The following SLC6A3 variants were observed in gnomAD, a reference collection of about 807,000 sequenced individuals.
The protein encoded by SLC6A3 is sodium-dependent dopamine transporter.
A neutral mutation model predicts 70.4 loss-of-function variants in SLC6A3; 19 were observed. The ratio of observed to expected loss-of-function variants is 0.27; its 90% CI spans 0.19 to 0.40. The LOEUF (loss-of-function observed/expected upper bound fraction) is 0.40. SLC6A3 is among the 10% of genes least tolerant of loss of function. The probability of loss-of-function intolerance (pLI) is 1.00; values close to 1 mark genes in which losing one functional copy is unlikely to be tolerated. For synonymous variants in SLC6A3, 368 were observed against 356.6 expected, an observed-to-expected ratio of 1.03 and a Z score of -0.36; for missense variants, 613 against 838.5, an observed-to-expected ratio of 0.73 and a Z score of 3.32.
intron 7 of SLC6A3, among the ~76,000 whole-genome samples, chr5:1,415,832 T>C (rs1011502612): frequency 6.6e-6 from 1 of 152,118 alleles, no homozygotes; most frequent in Non-Finnish European, 1.5e-5. Context: ...GGGCCCTCAG[T>C]GGGGAATCTG....
chr5:1,412,476 C>T lies in SLC6A3; in HGVS notation c.1157-1121G>A, dbSNP rs1237990888. Among the ~76,000 whole-genome samples, 7 of 152,324 alleles carry T rather than the reference C, an allele frequency of 4.6e-5. No individual in the cohort carries two copies. The East Asian group carries it at 1.3e-3, about 29-fold the overall frequency. ...CATGGCAAAGGCGGAGGAGGTGTTC[C>T]CCCACAGCTCTCTCGGGAAACGACA... On this transcript the variant is annotated intron_variant, in intron 8 of 14. Coordinates refer to ENST00000270349, the MANE Select transcript of SLC6A3 (RefSeq NM_001044.5).
Position 1,406,225 on chromosome 5 carries a change from C to T in SLC6A3, c.1562G>A (p.Arg521Gln), listed in dbSNP as rs760024050. The change falls in exon 12 of 15, where the codon CGG becomes CAG. Residue 521 changes from arginine (R) to glutamine (Q), a missense_variant. Transcript: ENST00000270349. This position sits in a 1 kb window ranked among gnomAD's most constrained non-coding sequence, Gnocchi z 8.8. ...GGGGCTGACCAGCTTCCAGCACAGCCGCCAGTACAGGCTGGGCCGCTGCCC... is the reference window on the plus strand; with the variant it reads ...GGGGCTGACCAGCTTCCAGCACAGCTGCCAGTACAGGCTGGGCCGCTGCCC... ...MTGQRPSLYWRLCWKLVSPCF... is the reference protein window; with the variant it reads ...MTGQRPSLYWQLCWKLVSPCF... 8.7e-6 allele frequency: 14 copies of T among 1,612,990 alleles called. No individual in the cohort carries two copies. Among genetic ancestry groups the T allele is most frequent in the South Asian group, 2.2e-5 (2 of 91,082 alleles).
At position 1,436,709 on chromosome 5, in the gene SLC6A3, G is replaced by T. The variant is rs1357741932; in HGVS notation, c.419-4011C>A. ...TCCAGGGCGTCTGTAAAATGGGGTT[G>T]CCCTTGGCAATGAAACCGAAACCTG... On this transcript the variant is annotated intron_variant, in intron 3 of 14. Transcript: ENST00000270349. The surrounding 1 kb of genome is among the most constrained non-coding windows in gnomAD (Gnocchi z 5.2). Among the ~76,000 whole-genome samples, 1 of 152,180 alleles carries T rather than the reference G, an allele frequency of 6.6e-6. No individual in the cohort carries two copies. Among genetic ancestry groups the T allele is most frequent in the African/African-American group, 2.4e-5 (1 of 41,436 alleles).
rs757203667 is a variant in SLC6A3 at position 1,432,667 on chromosome 5, C to G, written c.450G>C (p.Leu150=). 1.2e-6 allele frequency: 2 copies of G among 1,614,180 alleles called. No individual in the cohort carries two copies. Among genetic ancestry groups the G allele is most frequent in the African/African-American group, 1.3e-5 (1 of 75,044 alleles). The change falls in exon 4 of 15, where the codon CTG becomes CTC. Residue 150 remains leucine, a synonymous_variant. Transcript: ENST00000270349. ...TGACGTTGTAGAAGAAGCCGACATA[C>G]AGTGAGATGAGGATGACCGTGAAGC... The part of the protein sequence containing the change: ...GVGFTVILIS[L]YVGFFYNVII...
chr5:1,423,230 ACG>A (rs1491583165), intron 4 of SLC6A3, among the ~76,000 whole-genome samples: 1 of 72,800 alleles, frequency 1.4e-5, no homozygotes, highest in African/African-American at 6.0e-5. Flanking sequence ...ACCGCTGCCC[ACG>A]GTGCTGCCCA....
Position 1,411,430 on chromosome 5 carries a change from G to T in SLC6A3, c.1157-75C>A. ...CGCCCATCCTGCCCCACCCCGCCCC[G>T]AGAAGCATGGCCTGCCACAGGCCTG... On this transcript the variant is annotated intron_variant, in intron 8 of 14. Transcript: ENST00000270349. This position sits in a 1 kb window ranked among gnomAD's most constrained non-coding sequence, Gnocchi z 6.5. 9.2e-7 allele frequency: 1 copy of T among 1,092,446 alleles called. No individual in the cohort carries two copies. The highest frequency in any genetic ancestry group is 1.4e-6 in the Non-Finnish European group (1 of 733,394). The allele number at this position is 1,092,446 out of a possible 1,614,324, so 67.7% of individuals were successfully genotyped here. A position where few individuals can be genotyped will look rare whatever the true frequency, so the allele number is the denominator to read the frequency against.
At position 1,442,996 on chromosome 5, in the gene SLC6A3, C is replaced by T. The variant is rs1242731728; in HGVS notation, c.202G>A (p.Asp68Asn). Residue 68 changes from aspartate (D) to asparagine (N), a missense_variant, in exon 2 of 15, where the codon GAC (aspartate) becomes AAC (asparagine). Physicochemically the swap from Asp to Asn is conservative, Grantham distance 23. This residue lies in a region of SLC6A3 where 111 missense variants were observed against 91.6 expected (regional missense o/e 1.21). Transcript: ENST00000270349. This position sits in a 1 kb window ranked among gnomAD's most constrained non-coding sequence, Gnocchi z 5.0. ...QDRETWGKKIDFLLSVIGFAV... is the reference protein window; with the variant it reads ...QDRETWGKKINFLLSVIGFAV... ...AAGCCAATGACGGACAGGAGAAAGT[C>T]GATCTTCTTGCCCCAGGTCTCCCGA... 1.9e-6 allele frequency: 3 copies of T among 1,614,206 alleles called. No homozygotes were observed. The highest frequency in any genetic ancestry group is 2.5e-6 in the Non-Finnish European group (3 of 1,180,040).
At chr5:1,444,737 C>G (rs1733758195) in intron 1 of SLC6A3, among the ~76,000 whole-genome samples, 1 of 152,234 alleles carries the variant, frequency 6.6e-6, no homozygotes, top group South Asian at 2.1e-4. Context: ...CACCTGACCC[C>G]GCTCCTGAAC....
rs1560911155 is a variant in SLC6A3, at chr5:1,411,591, G to A, written c.1157-236C>T. 6.6e-6 allele frequency among the ~76,000 whole-genome samples: 1 copy of A among 152,224 alleles called. No homozygotes were observed. The highest frequency in any genetic ancestry group is 1.5e-5 in the Non-Finnish European group (1 of 68,026). On this transcript the variant is annotated intron_variant, in intron 8 of 14. Transcript: ENST00000270349. The surrounding 1 kb of genome is among the most constrained non-coding windows in gnomAD (Gnocchi z 6.5). Reference sequence around the variant, plus strand: ...TTCATGCCCACCACCCAGCAATGGGGCTCCTCCAAATTACCTGGGTCCTTT... The same window carrying A: ...TTCATGCCCACCACCCAGCAATGGGACTCCTCCAAATTACCTGGGTCCTTT...
chr5:1,403,023 A>C lies in SLC6A3; in HGVS notation c.1666T>G (p.Trp556Gly). 3 of 1,614,036 alleles carry C rather than the reference A, an allele frequency of 1.9e-6. No homozygotes were observed. The highest frequency in any genetic ancestry group is 2.5e-6 in the Non-Finnish European group (3 of 1,180,018). Reference protein sequence around the residue: ...PHYGAYIFPDWANALGWVIAT... With the variant: ...PHYGAYIFPDGANALGWVIAT... ...ATGACCCAGCCCAGCGCGTTGGCCC[A>C]GTCGGGGAAGATGTAGGCTCCGTAG... Residue 556 changes from tryptophan to glycine, a missense_variant, in exon 13 of 15, where the codon TGG becomes GGG. By Grantham distance (184) the Trp-to-Gly change is radical (BLOSUM62 -2). Coordinates refer to ENST00000270349, the MANE Select transcript of SLC6A3 (RefSeq NM_001044.5).
At position 1,426,310 on chromosome 5, in the gene SLC6A3, G is replaced by A. The variant is rs188689369; in HGVS notation, c.654-4296C>T. On this transcript the variant is annotated intron_variant, in intron 4 of 14. Transcript: ENST00000270349. The stretch of plus-strand genomic sequence containing the variant: ...TTGCAGTGCTCTGGGAAGCTGAGGC[G>A]GGAGGATTACTTGAGCCCAGGAGTT... Among the ~76,000 whole-genome samples, 60 of 152,290 alleles carry A rather than the reference G, an allele frequency of 3.9e-4. 2 individuals carry two copies. Among genetic ancestry groups the A allele is most frequent in the Admixed American group, 3.1e-3 (47 of 15,292 alleles).
rs1400930557 is a variant in SLC6A3 at position 1,437,012 on chromosome 5, G to A, written c.419-4314C>T. On this transcript the variant is annotated intron_variant, in intron 3 of 14. Transcript: ENST00000270349. The surrounding 1 kb of genome is among the most constrained non-coding windows in gnomAD (Gnocchi z 4.8). ...CACTCCTGTAATCCCAGCACTTTGG[G>A]AGGCCAAGGCAGGCGGATCATGAGG... is the stretch of plus-strand genomic sequence containing the variant. 1.3e-5 allele frequency among the ~76,000 whole-genome samples: 2 copies of A among 152,214 alleles called. No homozygotes were observed. The highest frequency in any genetic ancestry group is 2.9e-5 in the Non-Finnish European group (2 of 68,042).
intron 4 of SLC6A3, among the ~76,000 whole-genome samples, chr5:1,431,425 C>G (rs461854): frequency 7.2e-6 from 1 of 138,718 alleles, no homozygotes; most frequent in Non-Finnish European, 1.6e-5. Flanking sequence ...GTGGACTGTG[C>G]GGGTTGGGGC....
chr5:1,425,755 A>G (rs947324691), intron 4 of SLC6A3, among the ~76,000 whole-genome samples: 1 of 152,242 alleles, frequency 6.6e-6, no homozygotes, highest in African/African-American at 2.4e-5. Context: ...TTCGCAAATC[A>G]CCTATTAATC....
At chr5:1,419,478 G>A (rs1171121910) in intron 6 of SLC6A3, among the ~76,000 whole-genome samples, 3 of 152,172 alleles carry the variant, frequency 2.0e-5, no homozygotes, top group African/African-American at 7.2e-5. Flanking sequence ...TCCTGGGGCT[G>A]CCTATTCTTC....
rs1015759278 is a variant in SLC6A3, at chr5:1,443,205, C to G, written c.-8G>C. On this transcript the variant is annotated 5_prime_UTR_variant, in exon 2 of 15. Coordinates refer to ENST00000270349, the MANE Select transcript of SLC6A3 (RefSeq NM_001044.5). Reference sequence around the variant, plus strand: ...GCATTTGCTCTTACTCATGGGCACACTGGGAGTTGAGGAATTCTGTGCTTC... The same window carrying G: ...GCATTTGCTCTTACTCATGGGCACAGTGGGAGTTGAGGAATTCTGTGCTTC... 6 of 1,614,156 alleles carry G rather than the reference C, an allele frequency of 3.7e-6. No individual in the cohort carries two copies. The highest frequency in any genetic ancestry group is 4.2e-6 in the Non-Finnish European group (5 of 1,179,974).
Position 1,393,793 on chromosome 5 carries a change from C to A in SLC6A3, c.*942G>T, listed in dbSNP as rs1755641111. 6.8e-6 allele frequency: 1 copy of A among 147,824 alleles called. No individual in the cohort carries two copies. Among genetic ancestry groups the A allele is most frequent in the African/African-American group, 2.6e-5 (1 of 38,358 alleles). 9.2% of individuals were successfully genotyped at this position (147,824 alleles called of 1,614,324 possible). On this transcript the variant is annotated 3_prime_UTR_variant, in exon 15 of 15. Coordinates refer to ENST00000270349, the MANE Select transcript of SLC6A3 (RefSeq NM_001044.5). The stretch of plus-strand genomic sequence containing the variant: ...GGGGTAGTACACGCTCCAGTGGGGG[C>A]CCTGCATGCGTCCTGGGGTAGTACA...
Position 1,408,338 on chromosome 5 carries a change from G to A in SLC6A3, c.1498+688C>T, listed in dbSNP as rs1157273249. ...ATTACAGGCGTGAGTCACCGCGCCC[G>A]GACCACACATTCATGGCGAGATGCC... On this transcript the variant is annotated intron_variant, in intron 11 of 14. Coordinates refer to ENST00000270349, the MANE Select transcript of SLC6A3 (RefSeq NM_001044.5). The surrounding 1 kb of genome is among the most constrained non-coding windows in gnomAD (Gnocchi z 6.4). Among the ~76,000 whole-genome samples the A allele has an allele frequency of 6.6e-6, 1 of 151,910 alleles. No individual in the cohort carries two copies. The highest frequency in any genetic ancestry group is 2.4e-5 in the African/African-American group (1 of 41,332).
In SLC6A3 at chr5:1,393,523, T is replaced by A. The variant is rs547573134; in HGVS notation, c.*1212A>T. The A allele has an allele frequency of 1.9e-5, 3 of 154,384 alleles. No homozygotes were observed. The highest frequency in any genetic ancestry group is 4.1e-4 in the South Asian group (2 of 4,896). 9.6% of individuals were successfully genotyped at this position (154,384 alleles called of 1,614,324 possible). ...TGAGAGAAATAAAATTCCAGTGGGG[T>A]CCCTTCCTGGAGGTCACGGCTCAAG... On this transcript the variant is annotated 3_prime_UTR_variant, in exon 15 of 15. Coordinates refer to ENST00000270349, the MANE Select transcript of SLC6A3 (RefSeq NM_001044.5).
Sources: allele counts gnomAD v4.1 joint callset (sites outside exome capture counted in the v4.1 genomes callset), GRCh38; gene constraint gnomAD v4.1.1; regional missense constraint gnomAD v4.1.1; non-coding constraint Gnocchi (gnomAD v3.1); transcripts MANE v1.5; gene names NCBI Gene and HGNC (gene_info 2026-07-23, HGNC 2026-07-21).